Variants in FOXP1 observed in about 807,000 individuals in gnomAD.
The protein encoded by FOXP1 is forkhead box protein P1.
Under a neutral mutation model 98.2 loss-of-function variants are expected in FOXP1, and 15 were observed. The observed-to-expected ratio is 0.15, with a 90% CI of 0.10 to 0.24. FOXP1 has a LOEUF of 0.24. Ranked by LOEUF, FOXP1 falls within the 10% of genes least tolerant of loss-of-function variation. The pLI is 1.00. For synonymous variants in FOXP1, 371 were observed against 314.5 expected (o/e 1.18, Z -1.90); for missense variants, 633 against 848.5 (o/e 0.75, Z 3.15).
intron 4 of FOXP1, among the ~76,000 whole-genome samples, chr3:71,342,510 A>C (rs1221322465): frequency 6.6e-6 from 1 of 152,058 alleles, no homozygotes; most frequent in Non-Finnish European, 1.5e-5. Context: ...CTGACCAACA[A>C]GGTGAAACCC....
intron 13 of FOXP1, among the ~76,000 whole-genome samples, chr3:70,999,530 TATG>T (rs2041846568): frequency 6.6e-6 from 1 of 152,244 alleles, no homozygotes; most frequent in African/African-American, 2.4e-5. Flanking sequence ...GTTGAGATTT[TATG>T]ATGTGCCCTT....
At chr3:70,975,871 T>C (rs2037387984) in intron 17 of FOXP1, among the ~76,000 whole-genome samples, 1 of 152,148 alleles carries the variant, frequency 6.6e-6, no homozygotes, top group Non-Finnish European at 1.5e-5. Context: ...AGTGGAATCT[T>C]TGAGCCAGCT....
At chr3:71,291,714 T>A (rs1209470690) in intron 5 of FOXP1, among the ~76,000 whole-genome samples, 1 of 87,388 alleles carries the variant, frequency 1.1e-5, no homozygotes, top group Non-Finnish European at 2.7e-5. Context: ...TATTCTGTAT[T>A]TTTTTTTTTT....
chr3:71,164,286 G>A (rs1412289878), intron 6 of FOXP1, among the ~76,000 whole-genome samples: 3 of 151,908 alleles, frequency 2.0e-5, no homozygotes, highest in Non-Finnish European at 4.4e-5. Flanking sequence ...TGCAAGCTCC[G>A]CCTCCCGGGT....
chr3:71,566,786 C>A (rs34657897), intron 2 of FOXP1, among the ~76,000 whole-genome samples: 6,212 of 152,288 alleles, frequency 0.041, 192 homozygotes, highest in Middle Eastern at 0.099. Flanking sequence ...TGGGCTGACA[C>A]CAGTGCCCAC....
chr3:71,305,081 A>T (rs1560277412), intron 4 of FOXP1, among the ~76,000 whole-genome samples: 1 of 152,168 alleles, frequency 6.6e-6, no homozygotes, highest in Non-Finnish European at 1.5e-5. Flanking sequence ...CCCCAGAATG[A>T]TCTAAGTGTA....
At chr3:71,421,921 G>A (rs1444916181) in intron 3 of FOXP1, among the ~76,000 whole-genome samples, 1 of 152,212 alleles carries the variant, frequency 6.6e-6, no homozygotes, top group Admixed American at 6.5e-5. Flanking sequence ...CAGAAGGCAA[G>A]TCATAATTTG....
At chr3:71,214,018 A>G (rs2064716330) in intron 5 of FOXP1, among the ~76,000 whole-genome samples, 1 of 152,202 alleles carries the variant, frequency 6.6e-6, no homozygotes, top group Non-Finnish European at 1.5e-5. Flanking sequence ...GAATGCAGAT[A>G]TTGTCCCTAC....
intron 4 of FOXP1, among the ~76,000 whole-genome samples, chr3:71,345,397 TACAC>T (rs71120315): frequency 0.095 from 13,442 of 141,502 alleles, 673 homozygotes; most frequent in East Asian, 0.1. Flanking sequence ...CAAATATATA[TACAC>T]ACACACACAC....
chr3:71,294,990 G>T (rs973079587), intron 5 of FOXP1, among the ~76,000 whole-genome samples: 1 of 152,176 alleles, frequency 6.6e-6, no homozygotes. Context: ...GTTGTTTCAC[G>T]AGAGAAGTAG....
chr3:71,151,328 C>G (rs939226194), intron 6 of FOXP1, among the ~76,000 whole-genome samples: 1 of 152,158 alleles, frequency 6.6e-6, no homozygotes, highest in African/African-American at 2.4e-5. Flanking sequence ...GCAGCTTTCA[C>G]TACGCGCGTC....
rs2066429481 is a variant in FOXP1 at position 71,232,888 on chromosome 3, A to AAAAAAAAAAAAAAAAAAAAAC, written c.-11-34497_-11-34496insGTTTTTTTTTTTTTTTTTTTT. Among the ~76,000 whole-genome samples, 2 of 146,492 alleles carry AAAAAAAAAAAAAAAAAAAAAC rather than the reference A, an allele frequency of 1.4e-5. 1 individual carries two copies. The highest frequency in any genetic ancestry group is 5.0e-5 in the African/African-American group (2 of 40,274). On this transcript the variant is annotated intron_variant, in intron 5 of 20. Coordinates refer to ENST00000649528, the MANE Select transcript of FOXP1 (RefSeq NM_001349338.3). ...GCAAAACTCTGTCTCAAAAAAAAAA[A>AAAAAAAAAAAAAAAAAAAAAC]AAAAAAAAGCAAGAAAAATGGGGAC...
At chr3:71,014,002 A>C (rs1421855334) in intron 12 of FOXP1, among the ~76,000 whole-genome samples, 1 of 152,244 alleles carries the variant, frequency 6.6e-6, no homozygotes, top group African/African-American at 2.4e-5. Flanking sequence ...AATTAATTCA[A>C]GATGGATTAA....
intron 5 of FOXP1, among the ~76,000 whole-genome samples, chr3:71,281,818 A>T (rs921587927): frequency 2.6e-5 from 4 of 152,046 alleles, no homozygotes; most frequent in Non-Finnish European, 4.4e-5. Context: ...ATCTAAGCTG[A>T]GGCTGGGCAC....
chr3:71,146,415 A>G (rs1436786063), intron 6 of FOXP1, among the ~76,000 whole-genome samples: 2 of 152,150 alleles, frequency 1.3e-5, no homozygotes, highest in Non-Finnish European at 2.9e-5. Context: ...CACAGGGCCA[A>G]TCCACCCTCT....
intron 17 of FOXP1, among the ~76,000 whole-genome samples, chr3:70,974,648 T>TACTGGA (rs1169756777): frequency 2.0e-5 from 3 of 152,198 alleles, no homozygotes; most frequent in Non-Finnish European, 4.4e-5. Flanking sequence ...TACTGTTACT[T>TACTGGA]ACTGGAACAA....
chr3:71,007,108 G>A (rs1487470190), intron 12 of FOXP1, among the ~76,000 whole-genome samples: 3 of 152,012 alleles, frequency 2.0e-5, no homozygotes, highest in Non-Finnish European at 4.4e-5. Context: ...GACATTAAAA[G>A]GGGGAAAAAA....
chr3:71,056,821 TA>T lies in FOXP1; in HGVS notation c.283-3049del, dbSNP rs111312573. 9.0e-4 allele frequency among the ~76,000 whole-genome samples: 132 copies of T among 146,102 alleles called. No homozygotes were observed. In the Middle Eastern group the frequency reaches 0.014, roughly 16 times the overall value. On this transcript the variant is annotated intron_variant, in intron 7 of 20. Coordinates refer to ENST00000649528, the MANE Select transcript of FOXP1 (RefSeq NM_001349338.3). ...AACTATGGTGGGGTAGAAAAGAAAT[TA>T]AAAAAAAAAAATCTGAGCAGTTTTT... is the stretch of plus-strand genomic sequence containing the variant.
intron 6 of FOXP1, among the ~76,000 whole-genome samples, chr3:71,197,572 A>G (rs564171220): frequency 4.0e-4 from 61 of 152,312 alleles, no homozygotes; most frequent in African/African-American, 1.4e-3. Flanking sequence ...GGCACCAATA[A>G]GAGCTAATTT....
Sources: allele counts gnomAD v4.1 joint callset (sites outside exome capture counted in the v4.1 genomes callset), GRCh38; gene constraint gnomAD v4.1.1; transcripts MANE v1.5; gene names NCBI Gene and HGNC (gene_info 2026-07-23, HGNC 2026-07-21).